The following SYBU variants were observed in gnomAD, a reference collection of about 807,000 sequenced individuals.
SYBU encodes syntabulin, also known as GOLSYN A protein.
SYBU carries 21 observed loss-of-function variants against 35.9 expected under a neutral mutation model. The observed-to-expected ratio is 0.58, with a 90% CI of 0.41 to 0.84. The LOEUF (loss-of-function observed/expected upper bound fraction) is 0.84. SYBU is among the 40% of genes least tolerant of loss of function. SYBU has a pLI of 0.00. For synonymous variants in SYBU, 319 were observed against 324.3 expected (o/e 0.98, Z 0.18); for missense variants, 768 against 848.2 (o/e 0.91, Z 1.17).
At chr8:109,604,035 G>A (rs1382167244) in intron 3 of SYBU, among the ~76,000 whole-genome samples, 2 of 151,832 alleles carry the variant, frequency 1.3e-5, no homozygotes, top group African/African-American at 2.4e-5. Context: ...CAGCAAAACT[G>A]AATTTAAAAC....
rs1405661605 is a variant in SYBU at position 109,619,022 on chromosome 8, T to C, written c.247A>G (p.Ser83Gly). The C allele has an allele frequency of 1.2e-6, 2 of 1,613,644 alleles. No homozygotes were observed. Among genetic ancestry groups the C allele is most frequent in the Non-Finnish European group, 1.7e-6 (2 of 1,179,706 alleles). Residue 83 changes from serine (S) to glycine (G), a missense_variant, in exon 3 of 7, where the codon AGC becomes GGC. Transcript: ENST00000276646. ...TTCACAGGAGACACTGACTGGCTGC[T>C]AGGACAGCCTGTGTCATCTAGAAGA... ...SFCSDDTGCPSSQSVSPVKTP... is the reference protein window; with the variant it reads ...SFCSDDTGCPGSQSVSPVKTP...
chr8:109,687,764 C>T (rs1006809740), intron 1 of SYBU, among the ~76,000 whole-genome samples: 1 of 152,012 alleles, frequency 6.6e-6, no homozygotes, highest in African/African-American at 2.4e-5. Context: ...GGCAAAATGT[C>T]ACATGGTATT....
chr8:109,617,380 A>G (rs1310818375), intron 3 of SYBU, among the ~76,000 whole-genome samples: 2 of 152,158 alleles, frequency 1.3e-5, no homozygotes, highest in Non-Finnish European at 2.9e-5. Flanking sequence ...GAGTGATACA[A>G]ACTTTTTGGA....
chr8:109,618,847 T>G lies in SYBU; in HGVS notation c.422A>C (p.Lys141Thr). 6.2e-7 allele frequency: 1 copy of G among 1,614,048 alleles called. No individual in the cohort carries two copies. Among genetic ancestry groups the G allele is most frequent in the East Asian group, 2.2e-5 (1 of 44,886 alleles). Residue 141 changes from lysine to threonine, a missense_variant, in exon 3 of 7, where the codon AAA (lysine) becomes ACA (threonine). Coordinates refer to ENST00000276646, the MANE Select transcript of SYBU (RefSeq NM_001099754.2). ...TGACGAGTAAGTTCACTGACCTGGT[T>G]TCACAAGGCCTGACTTTGATTCCTT... ...YKKESKSGLVKPGSEADFSSS... is the reference protein window; with the variant it reads ...YKKESKSGLVTPGSEADFSSS...
intron 1 of SYBU, among the ~76,000 whole-genome samples, chr8:109,672,580 G>C (rs1167436097): frequency 6.6e-6 from 1 of 152,214 alleles, no homozygotes; most frequent in Non-Finnish European, 1.5e-5. Context: ...CAGGGCTTTA[G>C]GTTTCAAGCA....
intron 3 of SYBU, among the ~76,000 whole-genome samples, chr8:109,606,445 T>C (rs1316127417): frequency 6.6e-6 from 1 of 152,210 alleles, no homozygotes; most frequent in Non-Finnish European, 1.5e-5. Context: ...AAGAGTCAGA[T>C]ATTTTGAGGT....
rs1816238796 is a variant in SYBU, at chr8:109,653,599, C to T, written c.-129+27112G>A. Among the ~76,000 whole-genome samples the T allele has an allele frequency of 2.0e-5, 3 of 152,286 alleles. No individual in the cohort carries two copies. In the South Asian group the frequency reaches 6.2e-4, roughly 32 times the overall value. ...CTCTTGCTTTTCACCTGCAGTGGGC[C>T]TCAGTGCTGCCTGGCAATCATTTTG... is the stretch of plus-strand genomic sequence containing the variant. On this transcript the variant is annotated intron_variant, in intron 1 of 5. Transcript: ENST00000408889.
At chr8:109,635,599 C>A (rs934318061) in intron 2 of SYBU, among the ~76,000 whole-genome samples, 6 of 152,210 alleles carry the variant, frequency 3.9e-5, no homozygotes, top group African/African-American at 9.6e-5. Context: ...TCTCCCCAAT[C>A]CTGCTATTCC....
chr8:109,648,034 CAA>C (rs1815881585), upstream of SYBU: 1 of 152,220 alleles, frequency 6.6e-6, no homozygotes, highest in Admixed American at 6.5e-5. Context: ...ATTATACCAT[CAA>C]AGAGATATAA....
At chr8:109,682,539 G>A (rs1003322942), upstream of SYBU, among the ~76,000 whole-genome samples, 7 of 152,134 alleles carry the variant, frequency 4.6e-5, no homozygotes, top group African/African-American at 1.2e-4. Flanking sequence ...AGGGTATCTG[G>A]TGGAAGAAAT....
chr8:109,623,921 T>C (rs537711847), intron 2 of SYBU, among the ~76,000 whole-genome samples: 1 of 152,224 alleles, frequency 6.6e-6, no homozygotes, highest in African/African-American at 2.4e-5. Context: ...CCCAGAAAAA[T>C]ATTTTGTGAA....
At chr8:109,655,066 A>C (rs1292449650) in intron 1 of SYBU, among the ~76,000 whole-genome samples, 1 of 152,166 alleles carries the variant, frequency 6.6e-6, no homozygotes, top group Admixed American at 6.5e-5. Flanking sequence ...TTCAATGCTC[A>C]CTACCAGTCT....
chr8:109,654,651 T>C lies in SYBU; in HGVS notation c.-129+26060A>G, dbSNP rs546438607. On this transcript the variant is annotated intron_variant, in intron 1 of 5. Transcript: ENST00000408889. ...TTACCTCTATTCCATGATTATCCCA[T>C]AGTTAATTTGGATATCTCAACTTTA... 2.2e-4 allele frequency among the ~76,000 whole-genome samples: 33 copies of C among 149,404 alleles called. 1 individual carries two copies. In the South Asian group the frequency reaches 6.6e-3, roughly 30 times the overall value.
intron 1 of SYBU, among the ~76,000 whole-genome samples, chr8:109,677,916 C>T (rs1817249713): frequency 6.6e-6 from 1 of 151,952 alleles, no homozygotes; most frequent in Non-Finnish European, 1.5e-5. Context: ...GGGTGGATCA[C>T]CTGAGGTCAG....
chr8:109,607,109 A>G (rs1826148725), intron 3 of SYBU, among the ~76,000 whole-genome samples: 1 of 152,196 alleles, frequency 6.6e-6, no homozygotes, highest in Non-Finnish European at 1.5e-5. Context: ...AATTAATTTT[A>G]CCACCACAGG....
chr8:109,675,191 A>C (rs1488679830), intron 1 of SYBU, among the ~76,000 whole-genome samples: 2 of 152,356 alleles, frequency 1.3e-5, no homozygotes, highest in African/African-American at 4.8e-5. Context: ...AAAGCAGGAC[A>C]GATCTAAAAT....
chr8:109,647,479 C>T (rs1352874179), upstream of SYBU: 1 of 152,144 alleles, frequency 6.6e-6, no homozygotes, highest in Non-Finnish European at 1.5e-5. Context: ...TTATTTTTAC[C>T]CCCAAGAGAG....
intron 3 of SYBU, 124 bp downstream of exon 3, chr8:109,618,718 G>T (rs1279374919): frequency 2.3e-6 from 2 of 884,150 alleles, no homozygotes; most frequent in Admixed American, 2.1e-5. Flanking sequence ...CTTTAAAAAT[G>T]ATGCTTTAGA....
At chr8:109,617,133 CAA>C (rs35363783) in intron 3 of SYBU, among the ~76,000 whole-genome samples, 9 of 146,478 alleles carry the variant, frequency 6.1e-5, no homozygotes, top group Non-Finnish European at 1.1e-4. Context: ...GAATCTGTCT[CAA>C]AAAAAAAAAT....
Sources: allele counts gnomAD v4.1 joint callset (sites outside exome capture counted in the v4.1 genomes callset), GRCh38; gene constraint gnomAD v4.1.1; transcripts MANE v1.5; gene names NCBI Gene and HGNC (gene_info 2026-07-23, HGNC 2026-07-21).